Variants in SKI observed in about 807,000 individuals in gnomAD.
The protein encoded by SKI is ski oncogene.
Under a neutral mutation model 59.3 loss-of-function variants are expected in SKI, and 23 were observed. The ratio of observed to expected loss-of-function variants is 0.39; its 90% confidence interval spans 0.28 to 0.55. The LOEUF (loss-of-function observed/expected upper bound fraction) is 0.55. Ranked by LOEUF, SKI falls within the 20% of genes least tolerant of loss-of-function variation. SKI has a pLI of 0.67. For synonymous variants in SKI, 673 were observed against 488.6 expected, an observed-to-expected ratio of 1.38 and a Z score of -4.98; for missense variants, 1,017 against 1,038.9, an observed-to-expected ratio of 0.98 and a Z score of 0.29.
chr1:2,282,725 G>T (rs1569809242), intron 1 of SKI, among the ~76,000 whole-genome samples: 1 of 152,254 alleles, frequency 6.6e-6, no homozygotes, highest in African/African-American at 2.4e-5. Context: ...CCAGGAAAAG[G>T]TCAGGAGGCT....
At position 2,228,859 on chromosome 1, in the gene SKI, G is replaced by T. The variant is rs748518615; in HGVS notation, c.93G>T (p.Ser31=). ...AGTTCCACCTGAGCTCCATGAGCTC[G>T]CTGGGCGGCCCGGCCGCTTTCTCGG... The part of the protein sequence containing the change: ...LEQFHLSSMS[S]LGGPAAFSAR... Residue 31 remains serine, a synonymous_variant, in exon 1 of 7, where the codon TCG becomes TCT. Transcript: ENST00000378536. The T allele has an allele frequency of 1.4e-6, 2 of 1,428,768 alleles. No homozygotes were observed. The highest frequency in any genetic ancestry group is 1.8e-6 in the Non-Finnish European group (2 of 1,087,340). 88.5% of individuals were successfully genotyped at this position (1,428,768 alleles called of 1,614,324 possible).
In SKI at chr1:2,303,601, G is replaced by A. The variant is rs1169697518; in HGVS notation, c.1211+201G>A. 4 of 689,050 alleles carry A rather than the reference G, an allele frequency of 5.8e-6. No homozygotes were observed. The highest frequency in any genetic ancestry group is 3.7e-5 in the South Asian group (2 of 54,266). 42.7% of individuals were successfully genotyped at this position (689,050 alleles called of 1,614,324 possible). ...TCCCTGTGTTCTGGGTGGAGTCGTG[G>A]GTGGAGCCCTGTCTGCTGGGCGCAG... On this transcript the variant is annotated intron_variant, in intron 3 of 6. Transcript: ENST00000378536. This position sits in a 1 kb window ranked among gnomAD's most constrained non-coding sequence, Gnocchi z 5.6.
intron 1 of SKI, among the ~76,000 whole-genome samples, chr1:2,271,500 C>T (rs1160305533): frequency 2.6e-5 from 4 of 152,192 alleles, no homozygotes; most frequent in African/African-American, 4.8e-5. Context: ...GGCGATTAAG[C>T]GCTCAGATGC....
intron 1 of SKI, among the ~76,000 whole-genome samples, chr1:2,264,607 G>C (rs1056161157): frequency 3.3e-5 from 5 of 151,688 alleles, no homozygotes; most frequent in African/African-American, 1.2e-4. Context: ...TCACCATGTT[G>C]GTCAGCCTGG....
At chr1:2,277,762 C>T (rs1430189532) in intron 1 of SKI, among the ~76,000 whole-genome samples, 2 of 150,132 alleles carry the variant, frequency 1.3e-5, no homozygotes, top group Non-Finnish European at 3.0e-5. Context: ...CATCAGGACC[C>T]ATGGGCACAC....
At chr1:2,293,526 CTCT>C (rs1640214655) in intron 1 of SKI, among the ~76,000 whole-genome samples, 3 of 152,146 alleles carry the variant, frequency 2.0e-5, no homozygotes, top group African/African-American at 4.8e-5. Flanking sequence ...CCATCGTGCC[CTCT>C]TCTTCTCTGG....
chr1:2,241,872 A>T (rs1007435558), intron 1 of SKI, among the ~76,000 whole-genome samples: 2 of 152,216 alleles, frequency 1.3e-5, no homozygotes, highest in African/African-American at 4.8e-5. Flanking sequence ...TTCCTGTCTC[A>T]GAAGTGTTTT....
intron 1 of SKI, among the ~76,000 whole-genome samples, chr1:2,254,237 C>T (rs986607186): frequency 1.1e-4 from 17 of 152,192 alleles, no homozygotes; most frequent in African/African-American, 3.1e-4. Flanking sequence ...GAGGAGGCCA[C>T]GACCTGCTGG....
intron 1 of SKI, among the ~76,000 whole-genome samples, chr1:2,244,977 C>G (rs1214073950): frequency 3.3e-5 from 5 of 152,170 alleles, no homozygotes; most frequent in Non-Finnish European, 1.5e-5. Flanking sequence ...GAAGATCTAA[C>G]AATAATATAT....
intron 1 of SKI, among the ~76,000 whole-genome samples, chr1:2,246,186 A>G (rs1402816099): frequency 6.6e-6 from 1 of 152,196 alleles, no homozygotes; most frequent in Non-Finnish European, 1.5e-5. Context: ...CTGTCTTTGC[A>G]TCCTCTCCAG....
At chr1:2,250,963 C>G (rs1639134309) in intron 1 of SKI, among the ~76,000 whole-genome samples, 1 of 152,230 alleles carries the variant, frequency 6.6e-6, no homozygotes, top group South Asian at 2.1e-4. Context: ...AGGGGAGCCT[C>G]TCCCTTGGTA....
Position 2,232,525 on chromosome 1 carries a change from A to G in SKI, c.969+2790A>G, listed in dbSNP as rs572146275. ...GGCCTGTCGGCAGTGCAGTGGCAGC[A>G]TGAGGGGCAGACAGTCTTCCTCCAG... is the stretch of plus-strand genomic sequence containing the variant. On this transcript the variant is annotated intron_variant, in intron 1 of 6. Transcript: ENST00000378536. The G allele has an allele frequency of 6.6e-5, 10 of 152,384 alleles. No individual in the cohort carries two copies. In the East Asian group the frequency reaches 1.5e-3, roughly 23 times the overall value. The allele number at this position is 152,384 out of a possible 1,614,324, so 9.4% of individuals were successfully genotyped here. A position where few individuals can be genotyped will look rare whatever the true frequency, so the allele number is the denominator to read the frequency against.
intron 1 of SKI, among the ~76,000 whole-genome samples, chr1:2,249,470 T>A (rs976695603): frequency 2.0e-5 from 3 of 152,252 alleles, no homozygotes; most frequent in Non-Finnish European, 4.4e-5. Flanking sequence ...TTCAAGTGTC[T>A]CTGCCTTTGG....
chr1:2,291,999 G>T (rs1640172430), intron 1 of SKI, among the ~76,000 whole-genome samples: 1 of 152,226 alleles, frequency 6.6e-6, no homozygotes, highest in South Asian at 2.1e-4. Context: ...GAATTATCAT[G>T]TGTGAAATAT....
rs919482109 is a variant in SKI, at chr1:2,307,816, C to T, written c.*1051C>T. 1.3e-5 allele frequency: 2 copies of T among 152,498 alleles called. No individual in the cohort carries two copies. The highest frequency in any genetic ancestry group is 6.5e-5 in the Admixed American group (1 of 15,268). 9.4% of individuals were successfully genotyped at this position (152,498 alleles called of 1,614,324 possible). On this transcript the variant is annotated 3_prime_UTR_variant, in exon 7 of 7. Coordinates refer to ENST00000378536, the MANE Select transcript of SKI (RefSeq NM_003036.4). ...TACCGATTTATAGAGCAGTCAAATC[C>T]GAAGTGCTCGAGTGCTTAGAAACCC...
At chr1:2,256,855 C>T (rs1031904383) in intron 1 of SKI, among the ~76,000 whole-genome samples, 1 of 152,228 alleles carries the variant, frequency 6.6e-6, no homozygotes, top group Middle Eastern at 3.2e-3. Flanking sequence ...TTGTGTTTGG[C>T]CCTGTGTTGG....
Position 2,229,895 on chromosome 1 carries a change from T to C in SKI, c.969+160T>C, listed in dbSNP as rs998329334. ...TTAGGGAAATTCAGAGTGTTCCGACTGGCAGGGCCAGAGAGTTTGGTAGGA... is the reference window on the plus strand; with the variant it reads ...TTAGGGAAATTCAGAGTGTTCCGACCGGCAGGGCCAGAGAGTTTGGTAGGA... On this transcript the variant is annotated intron_variant, in intron 1 of 6. Transcript: ENST00000378536. The surrounding 1 kb of genome is among the most constrained non-coding windows in gnomAD (Gnocchi z 6.3). 1.2e-4 allele frequency among the ~76,000 whole-genome samples: 19 copies of C among 152,168 alleles called. No homozygotes were observed. Among genetic ancestry groups the C allele is most frequent in the Admixed American group, 1.2e-3 (18 of 15,282 alleles).
intron 1 of SKI, among the ~76,000 whole-genome samples, chr1:2,288,884 T>C (rs1640102356): frequency 6.6e-6 from 1 of 152,182 alleles, no homozygotes. Context: ...GCCACGTGTG[T>C]GAGGCCTGCA....
Position 2,306,678 on chromosome 1 carries a change from G to A in SKI, c.2100G>A (p.Lys700=), listed in dbSNP as rs1002079798. ...REREAREHLE[K]VVKELQEQLW... Reference sequence around the variant, plus strand: ...GCGAGGCCCGGGAGCACCTGGAGAAGGTGGTGAAGGAGCTGCAGGAACAGC... The same window carrying A: ...GCGAGGCCCGGGAGCACCTGGAGAAAGTGGTGAAGGAGCTGCAGGAACAGC... The change falls in exon 7 of 7, where the codon AAG becomes AAA. Residue 700 remains lysine (K), a synonymous_variant. Coordinates refer to ENST00000378536, the MANE Select transcript of SKI (RefSeq NM_003036.4). 1 of 1,544,768 alleles carries A rather than the reference G, an allele frequency of 6.5e-7. No homozygotes were observed. The highest frequency in any genetic ancestry group is 8.7e-7 in the Non-Finnish European group (1 of 1,145,150).
Sources: allele counts gnomAD v4.1 joint callset (sites outside exome capture counted in the v4.1 genomes callset), GRCh38; gene constraint gnomAD v4.1.1; non-coding constraint Gnocchi (gnomAD v3.1); transcripts MANE v1.5; gene names NCBI Gene and HGNC (gene_info 2026-07-23, HGNC 2026-07-21).